Variants in RBFOX1 observed in about 807,000 individuals in gnomAD.
RBFOX1 encodes RNA binding protein fox-1 homolog 1.
In RBFOX1, 8 loss-of-function variants were observed where a neutral mutation model predicts 57.7. That is an observed-to-expected ratio of 0.14 (90% confidence interval 0.08 to 0.25). The LOEUF (loss-of-function observed/expected upper bound fraction) is 0.25, where lower values mean the gene tolerates loss of function less well. Ranked by LOEUF, RBFOX1 falls within the 10% of genes least tolerant of loss-of-function variation. The pLI is 1.00. For missense variants in RBFOX1, 611 were observed against 548.5 expected, an observed-to-expected ratio of 1.11 and a Z score of -1.14; for synonymous variants, 326 against 222.4, an observed-to-expected ratio of 1.47 and a Z score of -4.15.
intron 1 of RBFOX1, among the ~76,000 whole-genome samples, chr16:5,422,554 G>T (rs1402579719): frequency 1.4e-5 from 1 of 72,306 alleles, no homozygotes; most frequent in African/African-American, 5.6e-5. Context: ...GCAGGGAGGG[G>T]GAAGAAAGGG....
intron 3 of RBFOX1, among the ~76,000 whole-genome samples, chr16:5,813,783 C>T (rs550441564): frequency 6.6e-6 from 1 of 152,180 alleles, no homozygotes; most frequent in East Asian, 1.9e-4. Flanking sequence ...ATTGAGATTT[C>T]ATTATTTGGA....
chr16:6,941,527 G>C (rs778122463), intron 3 of RBFOX1, among the ~76,000 whole-genome samples: 5 of 151,898 alleles, frequency 3.3e-5, no homozygotes, highest in Non-Finnish European at 7.4e-5. Context: ...CTGCTGGTGG[G>C]TTTCCTGAAG....
intron 5 of RBFOX1, among the ~76,000 whole-genome samples, chr16:7,548,976 C>T (rs780136838): frequency 6.6e-6 from 1 of 152,192 alleles, no homozygotes; most frequent in Non-Finnish European, 1.5e-5. Flanking sequence ...GCTCACATTC[C>T]AGGGATCCGA....
At chr16:7,373,218 C>T (rs1431908555) in intron 4 of RBFOX1, among the ~76,000 whole-genome samples, 2 of 152,122 alleles carry the variant, frequency 1.3e-5, no homozygotes, top group Non-Finnish European at 2.9e-5. Flanking sequence ...CAGGTGTGAG[C>T]CACCGCGTCT....
intron 4 of RBFOX1, among the ~76,000 whole-genome samples, chr16:7,127,480 A>C (rs558943779): frequency 2.2e-4 from 34 of 152,332 alleles, no homozygotes; most frequent in Admixed American, 1.0e-3. Context: ...TTAAGAAATA[A>C]ATAGAGCAGT....
exon 1 of RBFOX1, chr16:5,239,964 C>T (rs1294477655): frequency 1.5e-5 from 21 of 1,408,770 alleles, no homozygotes; most frequent in Non-Finnish European, 2.0e-5. Context: ...GGGAGGAGGA[C>T]GACGTCCCTC....
intron 2 of RBFOX1, among the ~76,000 whole-genome samples, chr16:6,460,827 C>CAAAAAAAAAAA (rs57208986): frequency 8.5e-5 from 12 of 141,334 alleles, no homozygotes; most frequent in African/African-American, 2.9e-4. Context: ...TTCAGAATAC[C>CAAAAAAAAAAA]AAAAAAAAAA....
At position 7,165,963 on chromosome 16, in the gene RBFOX1, C is replaced by CACACAT. The variant is rs1251061172; in HGVS notation, c.27+113868_27+113869insCATACA. Among the ~76,000 whole-genome samples, 484 of 76,120 alleles carry CACACAT rather than the reference C, an allele frequency of 6.4e-3. 4 individuals carry two copies. Among genetic ancestry groups the CACACAT allele is most frequent in the African/African-American group, 0.014 (392 of 28,664 alleles). 49.9% of individuals were successfully genotyped at this position (76,120 alleles called of 152,430 possible). A position where few individuals can be genotyped will look rare whatever the true frequency, so the allele number is the denominator to read the frequency against. ...ACACACACACACACACACACACACACACATACATACATACACCCCAGATTT... is the reference window on the plus strand; with the variant it reads ...ACACACACACACACACACACACACACACACATACATACATACATACACCCCAGATTT... On this transcript the variant is annotated intron_variant, in intron 4 of 15. Transcript: ENST00000550418.
In RBFOX1 at chr16:7,445,967, A is replaced by G. The variant is rs560416639; in HGVS notation, c.28-72180A>G. On this transcript the variant is annotated intron_variant, in intron 4 of 15. Coordinates refer to ENST00000550418, the MANE Select transcript of RBFOX1 (RefSeq NM_018723.4). ...TGCCTTTTGTTTTCTTGCCTAAAGAAGCCCATTTCAAGAGTCGGGGATCTT... is the reference window on the plus strand; with the variant it reads ...TGCCTTTTGTTTTCTTGCCTAAAGAGGCCCATTTCAAGAGTCGGGGATCTT... Among the ~76,000 whole-genome samples, 171 of 152,170 alleles carry G rather than the reference A, an allele frequency of 1.1e-3. 1 individual carries two copies. Among genetic ancestry groups the G allele is most frequent in the Non-Finnish European group, 8.4e-4 (57 of 68,034 alleles).
chr16:6,777,995 T>C (rs1198406318), intron 3 of RBFOX1, among the ~76,000 whole-genome samples: 2 of 152,170 alleles, frequency 1.3e-5, no homozygotes, highest in Non-Finnish European at 2.9e-5. Flanking sequence ...TTAAAACTCA[T>C]ATAAATATAC....
At chr16:6,872,366 G>A (rs545261589) in intron 3 of RBFOX1, among the ~76,000 whole-genome samples, 17 of 151,608 alleles carry the variant, frequency 1.1e-4, no homozygotes, top group Admixed American at 6.6e-4. Flanking sequence ...TCTCTTTCTC[G>A]TAGTAATAAT....
intron 2 of RBFOX1, among the ~76,000 whole-genome samples, chr16:6,415,720 C>G (rs1462563660): frequency 2.0e-5 from 3 of 152,006 alleles, no homozygotes; most frequent in Non-Finnish European, 4.4e-5. Flanking sequence ...ACAAAACAAA[C>G]AGAACAAAAC....
At chr16:5,694,037 A>C (rs1327270904) in intron 3 of RBFOX1, among the ~76,000 whole-genome samples, 1 of 152,224 alleles carries the variant, frequency 6.6e-6, no homozygotes, top group Admixed American at 6.5e-5. Flanking sequence ...AGTACAGAGT[A>C]AGTGAGATAA....
rs371778486 is a variant in RBFOX1, at chr16:6,797,388, AAG to A, written c.-16+142745_-16+142746del. 4.2e-3 allele frequency among the ~76,000 whole-genome samples: 643 copies of A among 152,252 alleles called. 6 individuals are homozygous for A. The highest frequency in any genetic ancestry group is 0.013 in the African/African-American group (556 of 41,538). ...GTGGAGATTATTAACAGGTGGTCGA[AAG>A]AGAGAGCGAGAGAAAGGGGGAGAGA... On this transcript the variant is annotated intron_variant, in intron 3 of 15. Transcript: ENST00000550418.
intron 2 of RBFOX1, among the ~76,000 whole-genome samples, chr16:6,504,385 GT>G (rs2153189153): frequency 6.6e-6 from 1 of 152,278 alleles, no homozygotes; most frequent in East Asian, 1.9e-4. Flanking sequence ...GATCTAATGT[GT>G]TTGCTTTTCT....
At chr16:6,251,010 G>A (rs1020795287) in intron 1 of RBFOX1, among the ~76,000 whole-genome samples, 6 of 152,056 alleles carry the variant, frequency 3.9e-5, no homozygotes, top group Admixed American at 1.3e-4. Context: ...GTGTGAGATG[G>A]TCAGAATCAG....
At chr16:6,605,241 T>A (rs2097910259) in intron 2 of RBFOX1, among the ~76,000 whole-genome samples, 1 of 147,532 alleles carries the variant, frequency 6.8e-6, no homozygotes, top group Non-Finnish European at 1.5e-5. Flanking sequence ...CAAAATAAAA[T>A]AATAATTTAT....
intron 2 of RBFOX1, among the ~76,000 whole-genome samples, chr16:5,539,784 C>A (rs566971657): frequency 4.6e-5 from 7 of 152,064 alleles, no homozygotes; most frequent in Non-Finnish European, 8.8e-5. Flanking sequence ...TGCTTAGATG[C>A]CTATTTTTTT....
chr16:6,734,479 C>G (rs186974124), intron 3 of RBFOX1, among the ~76,000 whole-genome samples: 1 of 152,166 alleles, frequency 6.6e-6, no homozygotes, highest in Non-Finnish European at 1.5e-5. Flanking sequence ...TGCCTCATTA[C>G]AGATGAGGAC....
Sources: gnomAD v4.1 joint callset for allele counts (sites outside exome capture counted in the v4.1 genomes callset) on GRCh38, gnomAD v4.1.1 for gene constraint, MANE v1.5 for transcripts, NCBI Gene and HGNC (gene_info 2026-07-23, HGNC 2026-07-21) for gene names.